Variants in PLXNB2 observed in about 807,000 individuals in gnomAD.
The protein encoded by PLXNB2 is plexin B2.
In PLXNB2, 85 loss-of-function variants were observed where a neutral mutation model predicts 202.6. That is an observed-to-expected ratio of 0.42 (90% CI 0.35 to 0.50). The LOEUF (loss-of-function observed/expected upper bound fraction) is 0.50. PLXNB2 is among the 20% of genes least tolerant of loss of function. The pLI is 0.02. For synonymous variants in PLXNB2, 1,239 were observed against 1,137.6 expected, an observed-to-expected ratio of 1.09 and a Z score of -1.79; for missense variants, 2,063 against 2,586.2, an observed-to-expected ratio of 0.80 and a Z score of 4.39.
chr22:50,300,086 G>A (rs907030201), intron 1 of PLXNB2, among the ~76,000 whole-genome samples: 3 of 152,076 alleles, frequency 2.0e-5, no homozygotes, highest in African/African-American at 7.2e-5. Flanking sequence ...GCGCCCTCCC[G>A]GGGACTCCGG....
At chr22:50,280,710 G>C (rs2065921804) in intron 24 of PLXNB2, 34 bp downstream of exon 24, 2 of 1,576,942 alleles carry the variant, frequency 1.3e-6, no homozygotes, top group African/African-American at 2.7e-5. Flanking sequence ...GGCGCCACCT[G>C]TGTGCCCTCC....
chr22:50,283,788 T>G, intron 14 of PLXNB2, 38 bp from the exon 15 acceptor site: 1 of 1,612,604 alleles, frequency 6.2e-7, no homozygotes, highest in Non-Finnish European at 8.5e-7. Flanking sequence ...GAGGGGCTCA[T>G]GCCAGGGACG....
chr22:50,290,477 G>A lies in PLXNB2; in HGVS notation c.108C>T (p.His36=), dbSNP rs2066786179. ...DFFRSEKELN[H]LAVDEASGVV... ...CGCCTGAGGCCTCATCCACAGCCAGGTGGTTCAGCTCTTTCTCGCTGCGGA... is the reference window on the plus strand; with the variant it reads ...CGCCTGAGGCCTCATCCACAGCCAGATGGTTCAGCTCTTTCTCGCTGCGGA... Residue 36 remains histidine (H), a synonymous_variant, in exon 3 of 37, where the codon CAC becomes CAT. Coordinates refer to ENST00000359337, the MANE Select transcript of PLXNB2 (RefSeq NM_012401.4). The A allele has an allele frequency of 1.2e-6, 2 of 1,612,910 alleles. No homozygotes were observed. The highest frequency in any genetic ancestry group is 1.1e-5 in the South Asian group (1 of 91,080).
At position 50,276,671 on chromosome 22, in the gene PLXNB2, G is replaced by A. The variant is rs369388414; in HGVS notation, c.5295C>T (p.Val1765=). 1 of 1,613,672 alleles carries A rather than the reference G, an allele frequency of 6.2e-7. No homozygotes were observed. The highest frequency in any genetic ancestry group is 8.5e-7 in the Non-Finnish European group (1 of 1,179,880). ...GGTGTGTGTTCATGTCCTGGTCGCT[G>A]ACCTGCACCATCTGCCGGATCCCCT... The part of the protein sequence containing the change: ...YYKGIRQMVQ[V]SDQDMNTHLA... Residue 1765 remains valine, a synonymous_variant, in exon 35 of 37, where the codon GTC becomes GTT. Transcript: ENST00000359337.
In PLXNB2 at chr22:50,288,642, A is replaced by G; in HGVS notation, c.1380+101T>C. The G allele has an allele frequency of 6.7e-7, 1 of 1,501,068 alleles. No homozygotes were observed. Among genetic ancestry groups the G allele is most frequent in the Non-Finnish European group, 9.0e-7 (1 of 1,112,162 alleles). The allele number at this position is 1,501,068 out of a possible 1,614,324, so 93.0% of individuals were successfully genotyped here. Reference sequence around the variant, plus strand: ...AAGGAGAAGGGCCCAGCTCTGCAGCACCCCATCCTCCTCTGGCCCCCAGGC... The same window carrying G: ...AAGGAGAAGGGCCCAGCTCTGCAGCGCCCCATCCTCCTCTGGCCCCCAGGC... On this transcript the variant is annotated intron_variant, in intron 5 of 36. Coordinates refer to ENST00000359337, the MANE Select transcript of PLXNB2 (RefSeq NM_012401.4). This position sits in a 1 kb window ranked among gnomAD's most constrained non-coding sequence, Gnocchi z 5.0.
chr22:50,276,015 G>A, intron 35 of PLXNB2, 52 bp from the exon 36 acceptor site: 2 of 1,529,538 alleles, frequency 1.3e-6, no homozygotes, highest in Non-Finnish European at 1.8e-6. Flanking sequence ...GGAGCCCCAG[G>A]GCTGGCAGGA....
rs374654956 is a variant in PLXNB2 at position 50,289,753 on chromosome 22, T to G, written c.832A>C (p.Thr278Pro). Reference sequence around the variant, plus strand: ...GCAGCCACGGAGGCGGCCAGGCAGGTGCCAAAGGCAGCGGCGTGGATGTCG... The same window carrying G: ...GCAGCCACGGAGGCGGCCAGGCAGGGGCCAAAGGCAGCGGCGTGGATGTCG... ...DPDIHAAAFG[T>P]CLAASVAAPG... Residue 278 changes from threonine to proline, a missense_variant, in exon 3 of 37, where the codon ACC becomes CCC. Thr to Pro is a conservative substitution (Grantham distance 38). Around this residue, in one of 2 missense-constraint regions of PLXNB2, gnomAD observed 1,303 missense variants for 1,476.8 expected, o/e 0.88. Coordinates refer to ENST00000359337, the MANE Select transcript of PLXNB2 (RefSeq NM_012401.4). This position sits in a 1 kb window ranked among gnomAD's most constrained non-coding sequence, Gnocchi z 8.0. 6.2e-7 allele frequency: 1 copy of G among 1,612,570 alleles called. No individual in the cohort carries two copies. The highest frequency in any genetic ancestry group is 1.3e-5 in the African/African-American group (1 of 74,926).
At chr22:50,293,039 G>A (rs1262466273) in intron 2 of PLXNB2, among the ~76,000 whole-genome samples, 1 of 152,204 alleles carries the variant, frequency 6.6e-6, no homozygotes. Flanking sequence ...GTTCCTGGCC[G>A]ACTGGTGGCA....
chr22:50,294,865 G>A, intron 1 of PLXNB2, 87 bp from the exon 2 acceptor site: 1 of 677,660 alleles, frequency 1.5e-6, no homozygotes. Flanking sequence ...GGTGGGGCTT[G>A]GGGGAAGAAA....
intron 1 of PLXNB2, among the ~76,000 whole-genome samples, chr22:50,303,307 C>T (rs755273994): frequency 6.0e-4 from 91 of 152,338 alleles, no homozygotes; most frequent in Non-Finnish European, 7.5e-4. Context: ...CCTCGGCCTT[C>T]AGCACCCCAC....
At position 50,288,148 on chromosome 22, in the gene PLXNB2, G is replaced by A. The variant is rs2066605125; in HGVS notation, c.1381-111C>T. On this transcript the variant is annotated intron_variant, in intron 5 of 36. Coordinates refer to ENST00000359337, the MANE Select transcript of PLXNB2 (RefSeq NM_012401.4). The surrounding 1 kb of genome is among the most constrained non-coding windows in gnomAD (Gnocchi z 5.0). Reference sequence around the variant, plus strand: ...GACCCAGCTCTGTCCCGGGGCCTCGGGAGCCTCAGACACCTCAGGCTTGAT... The same window carrying A: ...GACCCAGCTCTGTCCCGGGGCCTCGAGAGCCTCAGACACCTCAGGCTTGAT... The A allele has an allele frequency of 7.6e-6, 6 of 785,570 alleles. No individual in the cohort carries two copies. Among genetic ancestry groups the A allele is most frequent in the Non-Finnish European group, 1.2e-5 (6 of 484,336 alleles). 48.7% of individuals were successfully genotyped at this position (785,570 alleles called of 1,614,324 possible).
At chr22:50,302,968 T>G (rs2067763078) in intron 1 of PLXNB2, among the ~76,000 whole-genome samples, 1 of 152,112 alleles carries the variant, frequency 6.6e-6, no homozygotes, top group Non-Finnish European at 1.5e-5. Flanking sequence ...CCTCACCTCC[T>G]GCTGGTCCTC....
At chr22:50,299,709 G>A (rs112258532) in intron 1 of PLXNB2, among the ~76,000 whole-genome samples, 2 of 152,078 alleles carry the variant, frequency 1.3e-5, no homozygotes, top group African/African-American at 2.4e-5. Flanking sequence ...GCGCGCGGGA[G>A]ACCCGGCGAG....
chr22:50,293,545 G>A (rs112873096), intron 2 of PLXNB2, among the ~76,000 whole-genome samples: 11 of 152,348 alleles, frequency 7.2e-5, no homozygotes, highest in African/African-American at 2.2e-4. Flanking sequence ...GGCCCAGCTC[G>A]GTGGCAGTGG....
intron 27 of PLXNB2, 133 bp from the exon 28 acceptor site, chr22:50,279,144 C>T (rs2065818052): frequency 2.2e-6 from 2 of 899,332 alleles, no homozygotes; most frequent in Non-Finnish European, 1.6e-6. Flanking sequence ...GCCAGCCCGG[C>T]TCCGAGCCCC....
At chr22:50,276,505 G>T in intron 35 of PLXNB2, 124 bp downstream of exon 35, 1 of 834,650 alleles carries the variant, frequency 1.2e-6, no homozygotes, top group Admixed American at 1.9e-5. Context: ...CCACCTCGAG[G>T]TCCCGCCCCA....
intron 21 of PLXNB2, 23 bp downstream of exon 21, chr22:50,281,543 C>A (rs745766807): frequency 6.2e-7 from 1 of 1,607,746 alleles, no homozygotes; most frequent in Admixed American, 1.7e-5. Context: ...GGGGGCACCC[C>A]CCGCCAGTCC....
At position 50,307,548 on chromosome 22, in the gene PLXNB2, G is replaced by C. The variant is rs1422821913; in HGVS notation, c.-74+5C>G. 2.0e-6 allele frequency: 2 copies of C among 981,566 alleles called. No homozygotes were observed. Among genetic ancestry groups the C allele is most frequent in the East Asian group, 1.2e-4 (1 of 8,548 alleles). 60.8% of individuals were successfully genotyped at this position (981,566 alleles called of 1,614,324 possible). On this transcript the variant is annotated splice_donor_5th_base_variant and intron_variant, in intron 1 of 36. Transcript: ENST00000359337. ...CCCCGCAGCCCAGTCCCCCGAGCTC[G>C]GTACCTGCACGTCCGCCGCCAAGGC...
rs755918981 is a variant in PLXNB2 at position 50,281,695 on chromosome 22, G to A, written c.3393C>T (p.Phe1131=). 1.8e-5 allele frequency: 28 copies of A among 1,566,786 alleles called. No homozygotes were observed. The highest frequency in any genetic ancestry group is 9.5e-5 in the South Asian group (8 of 83,864). Residue 1131 remains phenylalanine (F), a synonymous_variant, in exon 21 of 37, where the codon TTC becomes TTT. Transcript: ENST00000359337. Reference sequence around the variant, plus strand: ...TCATGGTGCAGCGCTCGGCACCCACGAAGGCCTCGGCCTCCTGCAGCGTCA... The same window carrying A: ...TCATGGTGCAGCGCTCGGCACCCACAAAGGCCTCGGCCTCCTGCAGCGTCA... ...KAMTLQEAEA[F]VGAERCTMKT... is the part of the protein sequence containing the mutation.
Sources: gnomAD v4.1 joint callset for allele counts (sites outside exome capture counted in the v4.1 genomes callset) on GRCh38, gnomAD v4.1.1 for gene constraint, gnomAD v4.1.1 regional missense constraint, Gnocchi (gnomAD v3.1) non-coding constraint, MANE v1.5 for transcripts, NCBI Gene and HGNC (gene_info 2026-07-23, HGNC 2026-07-21) for gene names.